The following TAFA2 variants were observed in gnomAD, a reference collection of about 807,000 sequenced individuals.
TAFA2 encodes TAFA chemokine like family member 2.
Under a neutral mutation model 18.8 loss-of-function variants are expected in TAFA2, and 7 were observed. The observed-to-expected ratio is 0.37, with a 90% CI of 0.21 to 0.70. The LOEUF (loss-of-function observed/expected upper bound fraction) is 0.70. Ranked by LOEUF, TAFA2 falls within the 30% of genes least tolerant of loss-of-function variation. TAFA2 has a pLI of 0.53. For synonymous variants in TAFA2, 60 were observed against 54.2 expected (o/e 1.11, Z -0.47); for missense variants, 122 against 158.1 (o/e 0.77, Z 1.23).
At chr12:61,981,180 C>A (rs1026855472) in intron 1 of TAFA2, among the ~76,000 whole-genome samples, 5 of 152,062 alleles carry the variant, frequency 3.3e-5, no homozygotes, top group African/African-American at 1.2e-4. Flanking sequence ...TGATCTTTGA[C>A]AAACCTGACA....
intron 1 of TAFA2, among the ~76,000 whole-genome samples, chr12:62,128,130 A>G (rs1313582368): frequency 2.6e-5 from 4 of 152,026 alleles, no homozygotes; most frequent in Non-Finnish European, 5.9e-5. Flanking sequence ...TTTTACTTCT[A>G]TCTCAGCAGT....
At chr12:61,728,684 C>T (rs1348490900) in intron 4 of TAFA2, among the ~76,000 whole-genome samples, 1 of 151,860 alleles carries the variant, frequency 6.6e-6, no homozygotes. Context: ...TCCATTCTGC[C>T]ATTCTGCATA....
intron 4 of TAFA2, among the ~76,000 whole-genome samples, chr12:61,731,135 A>G (rs566801582): frequency 2.0e-5 from 3 of 151,980 alleles, no homozygotes; most frequent in Non-Finnish European, 4.4e-5. Context: ...CTACTTTCGT[A>G]TCTTGCTCTG....
At chr12:61,838,630 A>T (rs1388065155) in intron 2 of TAFA2, among the ~76,000 whole-genome samples, 1 of 152,020 alleles carries the variant, frequency 6.6e-6, no homozygotes, top group East Asian at 1.9e-4. Flanking sequence ...CATCCTACTG[A>T]AGCACAAAGA....
At chr12:61,923,061 C>A (rs1202514996) in intron 1 of TAFA2, among the ~76,000 whole-genome samples, 1 of 152,164 alleles carries the variant, frequency 6.6e-6, no homozygotes, top group South Asian at 2.1e-4. Context: ...CCTCTCTGGG[C>A]AGGGCATCTC....
At chr12:61,924,380 C>G (rs1003066418) in intron 1 of TAFA2, among the ~76,000 whole-genome samples, 7 of 152,212 alleles carry the variant, frequency 4.6e-5, no homozygotes, top group African/African-American at 1.7e-4. Flanking sequence ...ATCAGACTAA[C>G]AGCAGATCTC....
chr12:62,123,486 T>G (rs1870303922), intron 1 of TAFA2, among the ~76,000 whole-genome samples: 1 of 151,956 alleles, frequency 6.6e-6, no homozygotes, highest in African/African-American at 2.4e-5. Flanking sequence ...CTGAAAACTT[T>G]TAAAGGGAGA....
At chr12:62,021,097 T>C (rs1460221560) in intron 1 of TAFA2, among the ~76,000 whole-genome samples, 1 of 152,142 alleles carries the variant, frequency 6.6e-6, no homozygotes, top group Non-Finnish European at 1.5e-5. Context: ...GTTGCTAATT[T>C]CTATACTAAA....
intron 1 of TAFA2, among the ~76,000 whole-genome samples, chr12:61,884,525 CAATATTA>C (rs1875288290): frequency 6.6e-6 from 1 of 152,146 alleles, no homozygotes; most frequent in Non-Finnish European, 1.5e-5. Context: ...ATGCCTCTCT[CAATATTA>C]GGTGCATTGC....
intron 4 of TAFA2, among the ~76,000 whole-genome samples, chr12:61,718,574 T>A (rs937420533): frequency 3.3e-4 from 50 of 152,272 alleles, no homozygotes; most frequent in African/African-American, 1.2e-3. Flanking sequence ...CAAAAAATCC[T>A]TAAGTCAGGA....
At chr12:61,826,686 G>C (rs571285039) in intron 2 of TAFA2, among the ~76,000 whole-genome samples, 16 of 151,874 alleles carry the variant, frequency 1.1e-4, no homozygotes, top group African/African-American at 3.9e-4. Context: ...CCTCAGATTT[G>C]ACTCACAGCA....
intron 1 of TAFA2, among the ~76,000 whole-genome samples, chr12:61,929,721 C>G (rs1877472086): frequency 6.6e-6 from 1 of 151,908 alleles, no homozygotes; most frequent in South Asian, 2.1e-4. Flanking sequence ...TTTATTGCGG[C>G]ACTATTCACA....
intron 1 of TAFA2, among the ~76,000 whole-genome samples, chr12:62,128,865 C>G (rs190576149): frequency 9.2e-5 from 14 of 152,158 alleles, no homozygotes; most frequent in African/African-American, 3.4e-4. Context: ...TTGTGTAAGT[C>G]TGTATAGTTG....
chr12:61,975,327 T>A (rs1269568443), intron 1 of TAFA2, among the ~76,000 whole-genome samples: 1 of 151,766 alleles, frequency 6.6e-6, no homozygotes. Context: ...CCACCCAACC[T>A]CTGGTAACCA....
chr12:62,125,490 T>C (rs79810661), intron 1 of TAFA2, among the ~76,000 whole-genome samples: 2,647 of 152,216 alleles, frequency 0.017, 71 homozygotes, highest in African/African-American at 0.059. Context: ...AGAATTTCCT[T>C]TCAGAGAGAC....
chr12:61,866,985 G>C (rs980858498), intron 2 of TAFA2, among the ~76,000 whole-genome samples: 2 of 150,350 alleles, frequency 1.3e-5, no homozygotes, highest in Non-Finnish European at 3.0e-5. Context: ...TGTGCACAAC[G>C]TGCAGGTTTG....
intron 1 of TAFA2, among the ~76,000 whole-genome samples, chr12:61,905,303 T>A (rs1482196836): frequency 1.3e-5 from 2 of 152,138 alleles, no homozygotes; most frequent in African/African-American, 4.8e-5. Context: ...GCTAATTATT[T>A]GAAATAACTT....
rs904124778 is a variant in TAFA2 at position 61,753,569 on chromosome 12, G to A, written c.384+53C>T. On this transcript the variant is annotated intron_variant, in intron 4 of 4. Coordinates refer to ENST00000416284, the MANE Select transcript of TAFA2 (RefSeq NM_178539.5). ...TTAAATTGGTTACTGCACAAGCTCC[G>A]TTCTCTATTAATTCAGAGACATTCT... 3.4e-5 allele frequency: 52 copies of A among 1,552,096 alleles called. 2 individuals carry two copies. Among genetic ancestry groups the A allele is most frequent in the Middle Eastern group, 3.4e-4 (2 of 5,832 alleles).
chr12:61,783,585 T>C (rs1870598790), intron 2 of TAFA2, among the ~76,000 whole-genome samples: 1 of 151,630 alleles, frequency 6.6e-6, no homozygotes, highest in Non-Finnish European at 1.5e-5. Context: ...TAACAAAGTA[T>C]TCTTTATTTC....
Sources: gnomAD v4.1 joint callset for allele counts (sites outside exome capture counted in the v4.1 genomes callset) on GRCh38, gnomAD v4.1.1 for gene constraint, MANE v1.5 for transcripts, NCBI Gene and HGNC (gene_info 2026-07-23, HGNC 2026-07-21) for gene names.